PXDN: variants seen among roughly 807,000 people sequenced by gnomAD.
PXDN encodes peroxidasin homolog.
A neutral mutation model predicts 140.3 loss-of-function variants in PXDN; 77 were observed. The observed-to-expected ratio is 0.55, with a 90% CI of 0.46 to 0.66. PXDN has a LOEUF of 0.66. Among genes scored for constraint, PXDN ranks in the 30% least tolerant of loss-of-function variants. The probability of loss-of-function intolerance (pLI) is 0.00; values close to 1 mark genes in which losing one functional copy is unlikely to be tolerated. For synonymous variants in PXDN, 911 were observed against 857.4 expected (o/e 1.06, Z -1.09); for missense variants, 1,838 against 2,039.5 (o/e 0.90, Z 1.90).
In PXDN at chr2:1,717,997, C is replaced by A. The variant is rs1215283089; in HGVS notation, c.201-24863G>T. Among the ~76,000 whole-genome samples, 9 of 151,738 alleles carry A rather than the reference C, an allele frequency of 5.9e-5. 1 individual carries two copies. The highest frequency in any genetic ancestry group is 1.2e-4 in the Non-Finnish European group (8 of 67,962). On this transcript the variant is annotated intron_variant, in intron 1 of 22. Coordinates refer to ENST00000252804, the MANE Select transcript of PXDN (RefSeq NM_012293.3). ...AAAGCTATTCGACTAACCAACTACC[C>A]AAACCTGCCCTACCCACTAACCGAC...
intron 1 of PXDN, among the ~76,000 whole-genome samples, chr2:1,740,157 A>C (rs1161843194): frequency 1.3e-5 from 2 of 152,190 alleles, no homozygotes; most frequent in Admixed American, 6.5e-5. Context: ...AGGAGGGTGC[A>C]GAGGAGGAGG....
At chr2:1,702,609 C>T (rs1446939746) in intron 1 of PXDN, among the ~76,000 whole-genome samples, 1 of 152,140 alleles carries the variant, frequency 6.6e-6, no homozygotes, top group Non-Finnish European at 1.5e-5. Context: ...CAGGGCACAG[C>T]TTGTTTTTTT....
In PXDN at chr2:1,742,813, G is replaced by A. The variant is rs10185691; in HGVS notation, c.200+1443C>T. On this transcript the variant is annotated intron_variant, in intron 1 of 22. Coordinates refer to ENST00000252804, the MANE Select transcript of PXDN (RefSeq NM_012293.3). ...CTCTGCGGAGGAGGAGAGGAACTCG[G>A]GCCCCCGCCCCGCCCCAGGGCCTCC... 2.6e-5 allele frequency among the ~76,000 whole-genome samples: 4 copies of A among 152,152 alleles called. No individual in the cohort carries two copies. The East Asian group carries it at 7.8e-4, about 30-fold the overall frequency.
chr2:1,724,327 T>TTTG (rs1685125806), intron 1 of PXDN, among the ~76,000 whole-genome samples: 1 of 151,206 alleles, frequency 6.6e-6, no homozygotes. Context: ...TTTTTTTTTT[T>TTTG]GGTCAGAAAG....
At chr2:1,711,141 TCTCCACCAGCACCCG>T (rs1684763223) in intron 1 of PXDN, among the ~76,000 whole-genome samples, 2 of 102,208 alleles carry the variant, frequency 2.0e-5, no homozygotes, top group Admixed American at 1.1e-4. Context: ...CAGCACCCAC[TCTCCACCAGCACCCG>T]CTCCACCAGC....
rs1419813483 is a variant in PXDN at position 1,685,044 on chromosome 2, T to G, written c.417-893A>C. Among the ~76,000 whole-genome samples, 1 of 152,160 alleles carries G rather than the reference T, an allele frequency of 6.6e-6. No homozygotes were observed. The highest frequency in any genetic ancestry group is 1.5e-5 in the Non-Finnish European group (1 of 68,028). ...TTCATAACTCCACAGAAAGGAGGAC[T>G]CCTCAGAACGCACGCCTGAGAATCA... On this transcript the variant is annotated intron_variant, in intron 4 of 22. Transcript: ENST00000252804. This position sits in a 1 kb window ranked among gnomAD's most constrained non-coding sequence, Gnocchi z 5.1.
intron 1 of PXDN, among the ~76,000 whole-genome samples, chr2:1,710,076 C>G (rs1038526183): frequency 6.6e-6 from 1 of 152,194 alleles, no homozygotes; most frequent in African/African-American, 2.4e-5. Flanking sequence ...AGGAGAACAT[C>G]TGGGTTCCTC....
intron 1 of PXDN, among the ~76,000 whole-genome samples, chr2:1,707,029 T>C (rs71440685): frequency 1.2e-4 from 15 of 125,350 alleles, no homozygotes; most frequent in African/African-American, 2.7e-4. Context: ...TAATACAATC[T>C]GAGAGCATGC....
In PXDN at chr2:1,651,059, C is replaced by T. The variant is rs114052909; in HGVS notation, c.2105-1384G>A. The stretch of plus-strand genomic sequence containing the variant: ...AGGTCTGTGCAGGGAACATGAACCC[C>T]GGGCTCCCCTCAGCCCCTGGTTCTG... On this transcript the variant is annotated intron_variant, in intron 16 of 22. Coordinates refer to ENST00000252804, the MANE Select transcript of PXDN (RefSeq NM_012293.3). The surrounding 1 kb of genome is among the most constrained non-coding windows in gnomAD (Gnocchi z 4.4). 8.7e-3 allele frequency among the ~76,000 whole-genome samples: 1,327 copies of T among 152,174 alleles called. 18 individuals carry two copies. Among genetic ancestry groups the T allele is most frequent in the African/African-American group, 0.031 (1,277 of 41,524 alleles).
At chr2:1,689,784 CAAAA>C (rs59005952) in intron 3 of PXDN, among the ~76,000 whole-genome samples, 1 of 118,366 alleles carries the variant, frequency 8.4e-6, no homozygotes, top group African/African-American at 3.0e-5. Flanking sequence ...AACTCCACCT[CAAAA>C]AAAAAAAAAA....
In PXDN at chr2:1,633,019, C is replaced by T. The variant is rs978596051; in HGVS notation, c.*1185G>A. 5 of 152,502 alleles carry T rather than the reference C, an allele frequency of 3.3e-5. No homozygotes were observed. Among genetic ancestry groups the T allele is most frequent in the Admixed American group, 3.3e-4 (5 of 15,262 alleles). 9.4% of individuals were successfully genotyped at this position (152,502 alleles called of 1,614,324 possible). On this transcript the variant is annotated 3_prime_UTR_variant, in exon 23 of 23. Coordinates refer to ENST00000252804, the MANE Select transcript of PXDN (RefSeq NM_012293.3). ...AGGTTTTGGTCAATTAAAGAGAGACCATGAGGTATGAGAGTTGATTTTCAC... is the reference window on the plus strand; with the variant it reads ...AGGTTTTGGTCAATTAAAGAGAGACTATGAGGTATGAGAGTTGATTTTCAC...
At chr2:1,665,824 C>T (rs1383999159) in intron 10 of PXDN, among the ~76,000 whole-genome samples, 1 of 152,238 alleles carries the variant, frequency 6.6e-6, no homozygotes, top group African/African-American at 2.4e-5. Flanking sequence ...TCCCAGATTA[C>T]ATCCAAAACT....
In PXDN at chr2:1,660,046, G is replaced by A. The variant is rs756071886; in HGVS notation, c.1837+835C>T. Among the ~76,000 whole-genome samples the A allele has an allele frequency of 3.7e-4, 56 of 152,184 alleles. No individual in the cohort carries two copies. The highest frequency in any genetic ancestry group is 2.7e-3 in the Admixed American group (42 of 15,282). ...TTACCCCGTGAAGGGGGGTTTGTGCGCGTTCTCAGAGTGTTGCTAACTCTA... is the reference window on the plus strand; with the variant it reads ...TTACCCCGTGAAGGGGGGTTTGTGCACGTTCTCAGAGTGTTGCTAACTCTA... On this transcript the variant is annotated intron_variant, in intron 14 of 22. Transcript: ENST00000252804. The surrounding 1 kb of genome is among the most constrained non-coding windows in gnomAD (Gnocchi z 4.6).
chr2:1,698,055 C>T (rs1336417919), intron 1 of PXDN, among the ~76,000 whole-genome samples: 3 of 152,158 alleles, frequency 2.0e-5, no homozygotes, highest in Admixed American at 6.5e-5. Context: ...CAGGAGACTG[C>T]GATAAAAACG....
chr2:1,737,007 G>A (rs1007143562), intron 1 of PXDN, among the ~76,000 whole-genome samples: 5 of 152,210 alleles, frequency 3.3e-5, no homozygotes, highest in East Asian at 1.9e-4. Flanking sequence ...ACAACAGCCC[G>A]GTAGGACAGA....
intron 19 of PXDN, among the ~76,000 whole-genome samples, chr2:1,640,081 T>C (rs1244033639): frequency 7.7e-6 from 1 of 129,200 alleles, no homozygotes; most frequent in Non-Finnish European, 1.7e-5. Flanking sequence ...TCCCTCCTGG[T>C]CCCCGGGTGA....
Position 1,634,287 on chromosome 2 carries a change from G to C in PXDN, c.4357C>G (p.Pro1453Ala), listed in dbSNP as rs1172607325. The part of the protein sequence containing the change: ...QVTCFVEACP[P>A]ATCAVPVNIP... ...TTCACGGGGACAGCACAGGTGGCAG[G>C]GGGGCAAGCTTCCACGAAGCAGGTG... Residue 1453 changes from proline to alanine, a missense_variant, in exon 23 of 23, where the codon CCT (proline) becomes GCT (alanine). Transcript: ENST00000252804. 3 of 1,605,546 alleles carry C rather than the reference G, an allele frequency of 1.9e-6. No homozygotes were observed. Among genetic ancestry groups the C allele is most frequent in the African/African-American group, 2.7e-5 (2 of 74,964 alleles).
intron 1 of PXDN, among the ~76,000 whole-genome samples, chr2:1,728,613 G>A (rs1433893320): frequency 6.6e-6 from 1 of 152,110 alleles, no homozygotes; most frequent in East Asian, 1.9e-4. Flanking sequence ...TTAGGGCCAC[G>A]CATTTCACAC....
At chr2:1,733,001 T>G (rs1348847298) in intron 1 of PXDN, among the ~76,000 whole-genome samples, 1 of 152,168 alleles carries the variant, frequency 6.6e-6, no homozygotes, top group African/African-American at 2.4e-5. Context: ...AAAGAAAGAC[T>G]TGTTACTTTC....
Sources: gnomAD v4.1 joint callset for allele counts (sites outside exome capture counted in the v4.1 genomes callset) on GRCh38, gnomAD v4.1.1 for gene constraint, Gnocchi (gnomAD v3.1) non-coding constraint, MANE v1.5 for transcripts, NCBI Gene and HGNC (gene_info 2026-07-23, HGNC 2026-07-21) for gene names.